Variants in IL19 observed in about 807,000 individuals in gnomAD.
The protein encoded by IL19 is interleukin 19, also known as interleukin-19.
IL19 carries 15 observed loss-of-function variants against 19.5 expected under a neutral mutation model. That is an observed-to-expected ratio of 0.77 (90% CI 0.52 to 1.19). The LOEUF is 1.19. IL19 is among the 50% of genes most tolerant of loss of function. IL19 has a pLI of 0.00. For missense variants in IL19, 199 were observed against 213.1 expected, an observed-to-expected ratio of 0.93 and a Z score of 0.41; for synonymous variants, 78 against 78.3, an observed-to-expected ratio of 1.00 and a Z score of 0.02.
At chr1:206,781,886 T>A (rs959388952) in intron 1 of IL19, among the ~76,000 whole-genome samples, 2 of 132,818 alleles carry the variant, frequency 1.5e-5, no homozygotes, top group Admixed American at 1.6e-4. Flanking sequence ...TACATATATA[T>A]GTATATAGTT....
intron 2 of IL19, among the ~76,000 whole-genome samples, chr1:206,825,543 T>C (rs1676405831): frequency 6.6e-6 from 1 of 152,246 alleles, no homozygotes; most frequent in South Asian, 2.1e-4. Context: ...TAGCCAGGAT[T>C]GCCTGTCTCC....
intron 1 of IL19, among the ~76,000 whole-genome samples, chr1:206,785,151 G>T (rs1675240849): frequency 6.6e-6 from 1 of 152,226 alleles, no homozygotes; most frequent in Non-Finnish European, 1.5e-5. Flanking sequence ...AAACCACTGT[G>T]GATGAATACT....
At chr1:206,819,285 C>CAATGTAAATT (rs143521280) in intron 2 of IL19, among the ~76,000 whole-genome samples, 2,726 of 151,966 alleles carry the variant, frequency 0.018, 40 homozygotes, top group Middle Eastern at 0.058. Flanking sequence ...AAATTAATTA[C>CAATGTAAATT]AATTAAAATG....
rs77602558 is a variant in IL19, at chr1:206,830,425, CT to C, written c.-2-6227del. ...TAAATTTCCCAGTTCTTTTTCTCAC[CT>C]TTTTTTTTGTTTTATTTTCAAAGCT... On this transcript the variant is annotated intron_variant, in intron 2 of 6. Transcript: ENST00000659997. Among the ~76,000 whole-genome samples the C allele has an allele frequency of 8.8e-3, 1,322 of 150,782 alleles. 17 individuals are homozygous for C. The highest frequency in any genetic ancestry group is 0.03 in the African/African-American group (1,255 of 41,194).
At chr1:206,776,909 CAAAAAA>C (rs1186364224) in intron 1 of IL19, among the ~76,000 whole-genome samples, 8 of 50,450 alleles carry the variant, frequency 1.6e-4, no homozygotes, top group Admixed American at 2.8e-4. Context: ...CTTGCAACTA[CAAAAAA>C]AAAAAAAAAA....
rs150435616 is a variant in IL19 at position 206,836,839 on chromosome 1, C to T, written c.144+33C>T. Reference sequence around the variant, plus strand: ...TGGGTTGGTGTAAAGGTGTGGATGACGGAGTATCCCTCCCCTTACATCTTA... The same window carrying T: ...TGGGTTGGTGTAAAGGTGTGGATGATGGAGTATCCCTCCCCTTACATCTTA... On this transcript the variant is annotated intron_variant, in intron 3 of 6. Transcript: ENST00000659997. 203 of 1,610,460 alleles carry T rather than the reference C, an allele frequency of 1.3e-4. No individual in the cohort carries two copies. The African/African-American group carries it at 1.9e-3, about 15-fold the overall frequency.
At chr1:206,827,828 G>C (rs1260028829) in intron 2 of IL19, among the ~76,000 whole-genome samples, 1 of 152,230 alleles carries the variant, frequency 6.6e-6, no homozygotes, top group Non-Finnish European at 1.5e-5. Flanking sequence ...CCTGGAGTGG[G>C]CTGCCTATGA....
At chr1:206,807,309 A>T (rs1675872454) in intron 2 of IL19, among the ~76,000 whole-genome samples, 1 of 152,104 alleles carries the variant, frequency 6.6e-6, no homozygotes, top group Non-Finnish European at 1.5e-5. Flanking sequence ...TGTAGAGTCA[A>T]CTCAAGTTCC....
chr1:206,799,233 G>A (rs922668841), intron 2 of IL19, among the ~76,000 whole-genome samples: 6 of 152,008 alleles, frequency 3.9e-5, no homozygotes, highest in Non-Finnish European at 5.9e-5. Context: ...GGGAGTGTAG[G>A]GTGGAAAGGC....
chr1:206,771,254 C>A, intron 1 of IL19, 176 bp downstream of exon 1: 1 of 1,256,726 alleles, frequency 8.0e-7, no homozygotes, highest in South Asian at 1.2e-5. Flanking sequence ...TTCTCCTTTT[C>A]AAAGCGAAGG....
intron 2 of IL19, among the ~76,000 whole-genome samples, chr1:206,823,930 TC>T (rs1458403789): frequency 1.3e-5 from 2 of 152,178 alleles, no homozygotes; most frequent in Admixed American, 1.3e-4. Context: ...CCTGCTTCCC[TC>T]CGTCTTAAGA....
At chr1:206,789,321 G>A (rs1675338638) in intron 1 of IL19, among the ~76,000 whole-genome samples, 1 of 152,152 alleles carries the variant, frequency 6.6e-6, no homozygotes, top group Admixed American at 6.5e-5. Context: ...GTACCCAACA[G>A]GTAATTTTAA....
rs1440208753 is a variant in IL19, at chr1:206,770,869, G to C, written c.-358G>C. 1 of 1,606,508 alleles carries C rather than the reference G, an allele frequency of 6.2e-7. No homozygotes were observed. The highest frequency in any genetic ancestry group is 1.1e-5 in the South Asian group (1 of 90,972). On this transcript the variant is annotated 5_prime_UTR_variant, in exon 1 of 7. Transcript: ENST00000659997. ...CTGGTCTGTAGGAGATGGTATTTTG[G>C]GGGCAGCTGCAAGGGAAAAAACTGA...
At chr1:206,777,362 G>C (rs954903383) in intron 1 of IL19, among the ~76,000 whole-genome samples, 44 of 147,532 alleles carry the variant, frequency 3.0e-4, no homozygotes, top group African/African-American at 9.6e-4. Flanking sequence ...AGCCGAGATC[G>C]CGTCACTGCA....
At chr1:206,791,085 T>C (rs1329475559) in intron 1 of IL19, among the ~76,000 whole-genome samples, 1 of 152,222 alleles carries the variant, frequency 6.6e-6, no homozygotes, top group Non-Finnish European at 1.5e-5. Context: ...GATACGAAGA[T>C]GGACCGTGTA....
chr1:206,835,062 T>A (rs942222209), intron 2 of IL19, among the ~76,000 whole-genome samples: 1 of 152,222 alleles, frequency 6.6e-6, no homozygotes, highest in African/African-American at 2.4e-5. Context: ...TACTTACTAC[T>A]AATATCTGAA....
chr1:206,802,013 A>C (rs1200137504), intron 2 of IL19, among the ~76,000 whole-genome samples: 2 of 152,230 alleles, frequency 1.3e-5, no homozygotes, highest in South Asian at 4.1e-4. Context: ...AGGCATGGAC[A>C]AACATGGGAG....
chr1:206,837,078 C>T, intron 4 of IL19, 55 bp downstream of exon 4: 1 of 1,401,004 alleles, frequency 7.1e-7, no homozygotes, highest in South Asian at 1.2e-5. Flanking sequence ...CTAAATGGCT[C>T]TGGGCTGAGA....
At chr1:206,828,420 G>T (rs1217928812) in intron 2 of IL19, among the ~76,000 whole-genome samples, 3 of 152,150 alleles carry the variant, frequency 2.0e-5, no homozygotes, top group Non-Finnish European at 4.4e-5. Flanking sequence ...TGCTTTCTGG[G>T]CATGCCCTAC....
Sources: allele counts gnomAD v4.1 joint callset (sites outside exome capture counted in the v4.1 genomes callset), GRCh38; gene constraint gnomAD v4.1.1; transcripts MANE v1.5; gene names NCBI Gene and HGNC (gene_info 2026-07-23, HGNC 2026-07-21).